The following PPP2R3A variants were observed in gnomAD, a reference collection of about 807,000 sequenced individuals.
PPP2R3A encodes the protein serine/threonine-protein phosphatase 2A regulatory subunit B'' subunit alpha.
In PPP2R3A, 80 loss-of-function variants were observed where a neutral mutation model predicts 106.9. The ratio of observed to expected loss-of-function variants is 0.75; its 90% CI spans 0.62 to 0.90. The LOEUF (loss-of-function observed/expected upper bound fraction) is 0.90. Ranked by LOEUF, PPP2R3A falls within the 40% of genes least tolerant of loss-of-function variation. PPP2R3A has a pLI of 0.00. For synonymous variants in PPP2R3A, 483 were observed against 468.3 expected, an observed-to-expected ratio of 1.03 and a Z score of -0.41; for missense variants, 1,386 against 1,350.4, an observed-to-expected ratio of 1.03 and a Z score of -0.41.
intron 7 of PPP2R3A, among the ~76,000 whole-genome samples, chr3:136,080,261 A>G (rs915690534): frequency 3.3e-5 from 5 of 152,334 alleles, no homozygotes; most frequent in African/African-American, 1.2e-4. Flanking sequence ...AAGTGTAATT[A>G]ATTACATATT....
intron 3 of PPP2R3A, among the ~76,000 whole-genome samples, chr3:136,033,438 G>A (rs897042171): frequency 6.6e-6 from 1 of 152,174 alleles, no homozygotes; most frequent in Non-Finnish European, 1.5e-5. Context: ...TCTCTGTCTT[G>A]TGGAATAGTG....
chr3:136,136,853 G>A (rs1446032882), intron 13 of PPP2R3A, among the ~76,000 whole-genome samples: 1 of 152,200 alleles, frequency 6.6e-6, no homozygotes, highest in Non-Finnish European at 1.5e-5. Context: ...TGGTACTTAT[G>A]TAATGTCTTC....
At chr3:136,119,639 C>T (rs1409395527) in intron 13 of PPP2R3A, among the ~76,000 whole-genome samples, 1 of 152,110 alleles carries the variant, frequency 6.6e-6, no homozygotes, top group Admixed American at 6.6e-5. Context: ...TAGAGAAATG[C>T]AAATCAAAAT....
intron 13 of PPP2R3A, among the ~76,000 whole-genome samples, chr3:136,134,772 TTATA>T (rs34383235): frequency 0.38 from 57,678 of 151,602 alleles, 13,459 homozygotes; most frequent in East Asian, 0.81. Flanking sequence ...CTTTATCTGT[TTATA>T]TAGGTAATAC....
chr3:136,114,375 T>TTTGTG (rs1303493088), intron 13 of PPP2R3A, among the ~76,000 whole-genome samples: 8 of 152,188 alleles, frequency 5.3e-5, no homozygotes, highest in African/African-American at 1.9e-4. Flanking sequence ...GTTGTTGTTT[T>TTTGTG]TTTTGTTTTG....
At chr3:136,078,646 G>A (rs941945405) in intron 7 of PPP2R3A, among the ~76,000 whole-genome samples, 193 bp downstream of exon 7, 1 of 147,020 alleles carries the variant, frequency 6.8e-6, no homozygotes, top group South Asian at 2.1e-4. Flanking sequence ...AATAATAAGG[G>A]ATCTCTGCCT....
intron 2 of PPP2R3A, among the ~76,000 whole-genome samples, chr3:136,012,540 A>G (rs1934119911): frequency 6.6e-6 from 1 of 152,190 alleles, no homozygotes; most frequent in African/African-American, 2.4e-5. Context: ...GCTGGGAACA[A>G]ATAAACTATA....
rs574904057 is a variant in PPP2R3A at position 136,025,783 on chromosome 3, T to G, written c.1996-1049T>G. On this transcript the variant is annotated intron_variant, in intron 2 of 13. Transcript: ENST00000264977. The stretch of plus-strand genomic sequence containing the variant: ...GTATTTAGCTAGTCAACAGTTGTGT[T>G]CATCTTTCATACTTTATGTAGCATC... Among the ~76,000 whole-genome samples, 222 of 152,268 alleles carry G rather than the reference T, an allele frequency of 1.5e-3. 2 individuals carry two copies. The highest frequency in any genetic ancestry group is 0.014 in the Middle Eastern group (4 of 294).
At chr3:136,076,108 T>C (rs532537624) in intron 6 of PPP2R3A, among the ~76,000 whole-genome samples, 43 of 152,346 alleles carry the variant, frequency 2.8e-4, no homozygotes, top group Admixed American at 9.8e-4. Context: ...TCCTAAATAC[T>C]TGTGGTGAAA....
intron 2 of PPP2R3A, among the ~76,000 whole-genome samples, chr3:136,025,354 T>C (rs1934609254): frequency 6.6e-6 from 1 of 152,096 alleles, no homozygotes; most frequent in South Asian, 2.1e-4. Context: ...TGTTTCTTCC[T>C]TGACTATTGC....
intron 13 of PPP2R3A, among the ~76,000 whole-genome samples, chr3:136,115,226 A>G (rs897030961): frequency 2.0e-5 from 3 of 151,430 alleles, no homozygotes; most frequent in African/African-American, 4.8e-5. Context: ...ATGTCTACTC[A>G]GAGACCCCAT....
At chr3:136,058,735 C>G (rs1935968853) in intron 5 of PPP2R3A, among the ~76,000 whole-genome samples, 1 of 152,170 alleles carries the variant, frequency 6.6e-6, no homozygotes, top group African/African-American at 2.4e-5. Context: ...CTGAAGGCAT[C>G]ATGCTACCCA....
rs779646258 is a variant in PPP2R3A at position 136,002,464 on chromosome 3, C to A, written c.966C>A (p.Phe322Leu). The A allele has an allele frequency of 6.2e-7, 1 of 1,613,950 alleles. No individual in the cohort carries two copies. The highest frequency in any genetic ancestry group is 1.3e-5 in the African/African-American group (1 of 74,934). ...SNMPSLQLTP[F>L]SPVFGTEQPP... Reference sequence around the variant, plus strand: ...TGCCTAGCTTACAACTGACTCCCTTCTCCCCAGTGTTTGGCACTGAACAAC... The same window carrying A: ...TGCCTAGCTTACAACTGACTCCCTTATCCCCAGTGTTTGGCACTGAACAAC... Residue 322 changes from phenylalanine (F) to leucine (L), a missense_variant, in exon 2 of 14, where the codon TTC (phenylalanine) becomes TTA (leucine). Transcript: ENST00000264977.
intron 13 of PPP2R3A, among the ~76,000 whole-genome samples, chr3:136,122,572 C>T (rs1402669908): frequency 1.3e-5 from 2 of 151,934 alleles, no homozygotes; most frequent in East Asian, 1.9e-4. Flanking sequence ...AAGTTCAGAC[C>T]GATATTATTC....
intron 6 of PPP2R3A, among the ~76,000 whole-genome samples, chr3:136,077,228 A>G (rs987010593): frequency 1.3e-5 from 2 of 152,156 alleles, no homozygotes; most frequent in Non-Finnish European, 2.9e-5. Context: ...TGAGCGCTGG[A>G]CAGCTGAAAT....
At chr3:136,033,116 T>G (rs1934963494) in intron 3 of PPP2R3A, among the ~76,000 whole-genome samples, 1 of 152,236 alleles carries the variant, frequency 6.6e-6, no homozygotes. Context: ...ATGCTTTTTC[T>G]CCATTTATTG....
chr3:136,064,711 T>C (rs1172291257), intron 5 of PPP2R3A, among the ~76,000 whole-genome samples: 1 of 152,188 alleles, frequency 6.6e-6, no homozygotes, highest in Non-Finnish European at 1.5e-5. Flanking sequence ...AAATATGGTA[T>C]GATTATGAAC....
At chr3:136,000,965 C>T (rs566284827) in intron 1 of PPP2R3A, 94 bp from the exon 2 acceptor site, 3 of 388,036 alleles carry the variant, frequency 7.7e-6, no homozygotes, top group East Asian at 3.6e-5. Flanking sequence ...GATAATAAAG[C>T]GTGGTGGTTA....
chr3:136,011,988 CACACAT>C (rs920004623), intron 2 of PPP2R3A, among the ~76,000 whole-genome samples: 4 of 131,776 alleles, frequency 3.0e-5, no homozygotes, highest in Non-Finnish European at 4.6e-5. Flanking sequence ...CACACACACA[CACACAT>C]ACACACACAC....
Sources: allele counts gnomAD v4.1 joint callset (sites outside exome capture counted in the v4.1 genomes callset), GRCh38; gene constraint gnomAD v4.1.1; transcripts MANE v1.5; gene names NCBI Gene and HGNC (gene_info 2026-07-23, HGNC 2026-07-21).